EXOC4: variants seen among roughly 807,000 people sequenced by gnomAD.
EXOC4 encodes SEC8-like 1.
Under a neutral mutation model 107.2 loss-of-function variants are expected in EXOC4, and 71 were observed. The ratio of observed to expected loss-of-function variants is 0.66; its 90% CI spans 0.55 to 0.81. EXOC4 has a LOEUF of 0.81. Among genes scored for constraint, EXOC4 ranks in the 30% least tolerant of loss-of-function variants. The pLI, the probability that EXOC4 is intolerant of heterozygous loss-of-function variation, is 0.00. For missense variants in EXOC4, 1,108 were observed against 1,189.6 expected (o/e 0.93, Z 1.01); for synonymous variants, 456 against 441.2 (o/e 1.03, Z -0.42).
chr7:133,527,414 T>A (rs537436871), intron 9 of EXOC4, among the ~76,000 whole-genome samples: 4 of 151,948 alleles, frequency 2.6e-5, no homozygotes, highest in South Asian at 2.1e-4. Flanking sequence ...CCAAAAAAAA[T>A]AAAATAAAAT....
chr7:133,733,626 A>G (rs1795376060), intron 10 of EXOC4: 1 of 152,266 alleles, frequency 6.6e-6, no homozygotes, highest in African/African-American at 2.4e-5. Context: ...AAGGAAAGAA[A>G]GTGCCTCAAA....
chr7:133,699,210 G>A (rs113880632), intron 10 of EXOC4, among the ~76,000 whole-genome samples: 129 of 152,170 alleles, frequency 8.5e-4, no homozygotes, highest in African/African-American at 3.0e-3. Context: ...TGCTCCTGGA[G>A]CAAATTGGTT....
chr7:133,796,523 G>T (rs989833393), intron 10 of EXOC4, among the ~76,000 whole-genome samples: 18 of 152,178 alleles, frequency 1.2e-4, no homozygotes, highest in African/African-American at 4.3e-4. Context: ...ACTTTGGGAG[G>T]CCGAGGTGGG....
chr7:133,974,692 T>G (rs540247788), intron 14 of EXOC4, among the ~76,000 whole-genome samples: 1 of 152,340 alleles, frequency 6.6e-6, no homozygotes, highest in Non-Finnish European at 1.5e-5. Context: ...GGCAGAATTA[T>G]AAGCAGCTAA....
intron 7 of EXOC4, among the ~76,000 whole-genome samples, chr7:133,459,567 G>A (rs193212971): frequency 6.0e-4 from 92 of 152,318 alleles, no homozygotes; most frequent in African/African-American, 2.2e-3. Context: ...GTTTGTTGGG[G>A]CAGACATGCG....
intron 14 of EXOC4, among the ~76,000 whole-genome samples, chr7:133,985,876 T>G (rs1794102532): frequency 6.6e-6 from 1 of 152,198 alleles, no homozygotes; most frequent in African/African-American, 2.4e-5. Flanking sequence ...CTTATCCCTT[T>G]TTTCCTTCCT....
Position 133,857,020 on chromosome 7 carries a change from C to T in EXOC4, c.1735-38579C>T, listed in dbSNP as rs978246169. 6.2e-5 allele frequency among the ~76,000 whole-genome samples: 9 copies of T among 146,340 alleles called. No individual in the cohort carries two copies. In the Admixed American group the frequency reaches 6.3e-4, roughly 10 times the overall value. ...TCTGAGGCAGGAGAATCGCTCGAAC[C>T]CGGGAGGCAGAGGTTGCAGTGAGCC... is the stretch of plus-strand genomic sequence containing the variant. On this transcript the variant is annotated intron_variant, in intron 11 of 17. Transcript: ENST00000253861.
At position 133,720,167 on chromosome 7, in the gene EXOC4, G is replaced by C. The variant is rs116735708; in HGVS notation, c.1514+90026G>C. On this transcript the variant is annotated intron_variant, in intron 10 of 17. Transcript: ENST00000253861. ...ACCCCTGAAATAATGCTAAGCGTGG[G>C]GTTCTGGGAGAGTATATCACCAATA... 2.4e-3 allele frequency among the ~76,000 whole-genome samples: 362 copies of C among 152,198 alleles called. 5 individuals carry two copies. The highest frequency in any genetic ancestry group is 8.1e-3 in the African/African-American group (338 of 41,520).
chr7:133,304,694 A>G (rs1389073623), intron 3 of EXOC4, among the ~76,000 whole-genome samples: 1 of 152,152 alleles, frequency 6.6e-6, no homozygotes, highest in Admixed American at 6.5e-5. Flanking sequence ...AACATTTTTG[A>G]TCACCAATGT....
At chr7:133,591,565 T>C (rs1435771494) in intron 9 of EXOC4, among the ~76,000 whole-genome samples, 8 of 12,430 alleles carry the variant, frequency 6.4e-4, no homozygotes, top group African/African-American at 9.9e-4. Context: ...TGTGTGTGTG[T>C]GTGCGTGTGT....
intron 1 of EXOC4, among the ~76,000 whole-genome samples, chr7:133,258,158 A>G (rs1795060237): frequency 6.6e-6 from 1 of 152,210 alleles, no homozygotes; most frequent in African/African-American, 2.4e-5. Flanking sequence ...TAGAATACCC[A>G]GAAACAGTGC....
chr7:133,839,220 G>A (rs376580291), intron 11 of EXOC4, among the ~76,000 whole-genome samples: 1 of 152,108 alleles, frequency 6.6e-6, no homozygotes, highest in African/African-American at 2.4e-5. Flanking sequence ...GTTTATACTT[G>A]TATATTGCTG....
At chr7:133,655,783 C>T (rs1338396371) in intron 10 of EXOC4, among the ~76,000 whole-genome samples, 1 of 152,166 alleles carries the variant, frequency 6.6e-6, no homozygotes, top group Admixed American at 6.5e-5. Flanking sequence ...GGCAGCTTTA[C>T]TGTTAACTTT....
chr7:133,777,887 C>T (rs1337520257), intron 10 of EXOC4, among the ~76,000 whole-genome samples: 2 of 152,216 alleles, frequency 1.3e-5, no homozygotes, highest in South Asian at 2.1e-4. Context: ...TATCATGAGT[C>T]GTTATGAAGT....
At chr7:133,824,317 C>G (rs1797647001) in intron 11 of EXOC4, among the ~76,000 whole-genome samples, 1 of 151,960 alleles carries the variant, frequency 6.6e-6, no homozygotes, top group Admixed American at 6.6e-5. Flanking sequence ...ACTGACTGCG[C>G]CCCAACCCCT....
chr7:133,863,564 C>T (rs931808884), intron 11 of EXOC4, among the ~76,000 whole-genome samples: 44 of 152,150 alleles, frequency 2.9e-4, no homozygotes, highest in Non-Finnish European at 8.8e-5. Flanking sequence ...CAGAGTCCAG[C>T]AAGAGAGGCT....
At chr7:133,256,748 T>C (rs1795028425) in intron 1 of EXOC4, among the ~76,000 whole-genome samples, 2 of 152,220 alleles carry the variant, frequency 1.3e-5, no homozygotes, top group Admixed American at 6.5e-5. Flanking sequence ...GGGGTAGCAT[T>C]TATTGTTAGT....
intron 14 of EXOC4, among the ~76,000 whole-genome samples, chr7:133,981,265 C>T (rs1793972621): frequency 6.6e-6 from 1 of 152,076 alleles, no homozygotes; most frequent in South Asian, 2.1e-4. Flanking sequence ...GTCAGAGTGG[C>T]CATGGCTTCT....
chr7:133,814,957 ATTC>A (rs1563010025), intron 10 of EXOC4, among the ~76,000 whole-genome samples: 1 of 152,072 alleles, frequency 6.6e-6, no homozygotes, highest in Non-Finnish European at 1.5e-5. Flanking sequence ...TTTCATTGAT[ATTC>A]TTCTCCTCTT....
Sources: allele counts gnomAD v4.1 joint callset (sites outside exome capture counted in the v4.1 genomes callset), GRCh38; gene constraint gnomAD v4.1.1; transcripts MANE v1.5; gene names NCBI Gene and HGNC (gene_info 2026-07-23, HGNC 2026-07-21).